WDR74: variants seen among roughly 807,000 people sequenced by gnomAD.
WDR74 encodes WD repeat-containing protein 74.
WDR74 carries 31 observed loss-of-function variants against 45.6 expected under a neutral mutation model. The observed-to-expected ratio is 0.68, with a 90% CI of 0.51 to 0.92. WDR74 has a LOEUF of 0.92. WDR74 is among the 40% of genes least tolerant of loss of function. WDR74 has a pLI of 0.00. For synonymous variants in WDR74, 191 were observed against 192.4 expected, an observed-to-expected ratio of 0.99 and a Z score of 0.06; for missense variants, 455 against 497.2, an observed-to-expected ratio of 0.92 and a Z score of 0.81.
At chr11:62,839,922 A>G (rs1394505579), upstream of WDR74, 2 of 249,462 alleles carry the variant, frequency 8.0e-6, no homozygotes, top group Non-Finnish European at 1.5e-5. Flanking sequence ...AACACTTTAG[A>G]AACGATTCAA....
chr11:62,839,643 G>C, upstream of WDR74: 1 of 1,523,770 alleles, frequency 6.6e-7, no homozygotes, highest in South Asian at 1.2e-5. Context: ...CGAGTCCGAT[G>C]CAGCGCAGTG....
chr11:62,834,390 G>GCGGGCGC, intron 7 of WDR74, 37 bp downstream of exon 7: 1 of 1,584,248 alleles, frequency 6.3e-7, no homozygotes, highest in Non-Finnish European at 8.6e-7. Flanking sequence ...CCCTTCTCAA[G>GCGGGCGC]CCCCACCCTC....
In WDR74 at chr11:62,835,749, A is replaced by C. The variant is rs568574946; in HGVS notation, c.462T>G (p.Ala154=). Residue 154 remains alanine (A), a synonymous_variant, in exon 5 of 11, where the codon GCT becomes GCG. Coordinates refer to ENST00000278856, the MANE Select transcript of WDR74 (RefSeq NM_001369450.1). Reference sequence around the variant, plus strand: ...AGCCCTGCAGGTCCCATATCTTCAAAGCATTCTCTTTCCCACCTGTGGCAA... The same window carrying C: ...AGCCCTGCAGGTCCCATATCTTCAACGCATTCTCTTTCCCACCTGTGGCAA... ...HVVATGGKEN[A]LKIWDLQGSE... The C allele has an allele frequency of 6.2e-7, 1 of 1,613,926 alleles. No individual in the cohort carries two copies. Among genetic ancestry groups the C allele is most frequent in the Non-Finnish European group, 8.5e-7 (1 of 1,179,872 alleles).
At chr11:62,834,815 G>T in intron 6 of WDR74, 1 of 432,476 alleles carries the variant, frequency 2.3e-6, no homozygotes, top group South Asian at 3.3e-5. Context: ...AGAAAAGCAA[G>T]TTGGTCTAGT....
intron 10 of WDR74, 35 bp downstream of exon 10, chr11:62,833,583 C>T (rs376898650): frequency 6.4e-7 from 1 of 1,551,096 alleles, no homozygotes; most frequent in Non-Finnish European, 8.7e-7. Flanking sequence ...ACATCTATGC[C>T]CTTGGCTCCC....
At chr11:62,839,613 T>A, upstream of WDR74, 18 of 1,564,774 alleles carry the variant, frequency 1.2e-5, no homozygotes, top group Non-Finnish European at 1.6e-5. Flanking sequence ...CGGCGCAGCG[T>A]GTGCGTCACC....
At chr11:62,841,746 T>A (rs1004062514), upstream of WDR74, 2 of 152,212 alleles carry the variant, frequency 1.3e-5, no homozygotes, top group African/African-American at 4.8e-5. Flanking sequence ...AGAGGACGTA[T>A]CAGATATTAA....
upstream of WDR74, chr11:62,839,811 C>T: frequency 1.8e-6 from 1 of 563,192 alleles, no homozygotes; most frequent in South Asian, 2.3e-5. Flanking sequence ...ACTGCGTGGC[C>T]GGATCAAGCC....
chr11:62,833,253 G>A, intron 10 of WDR74, 122 bp from the exon 11 acceptor site: 1 of 645,408 alleles, frequency 1.5e-6, no homozygotes, highest in Non-Finnish European at 2.3e-6. Context: ...TTAGCGACCA[G>A]ACTGGGCAAC....
At position 62,833,954 on chromosome 11, in the gene WDR74, G is replaced by A. The variant is rs377339802; in HGVS notation, c.776-17C>T. On this transcript the variant is annotated splice_polypyrimidine_tract_variant and intron_variant, in intron 8 of 10. Transcript: ENST00000278856. Reference sequence around the variant, plus strand: ...GTAGACGCCCTAGAGAAGGGGGGAAGCATCCGTGATAACTGGCTGGCCAAT... The same window carrying A: ...GTAGACGCCCTAGAGAAGGGGGGAAACATCCGTGATAACTGGCTGGCCAAT... 3.4e-5 allele frequency: 54 copies of A among 1,610,572 alleles called. No individual in the cohort carries two copies. The highest frequency in any genetic ancestry group is 3.3e-4 in the Middle Eastern group (2 of 6,066).
chr11:62,835,858 A>G lies in WDR74; in HGVS notation c.370-17T>C, dbSNP rs367979926. The G allele has an allele frequency of 2.6e-5, 41 of 1,604,568 alleles. No individual in the cohort carries two copies. The highest frequency in any genetic ancestry group is 5.6e-5 in the South Asian group (5 of 89,704). ...TTCCAGGAGCTGTAAAGAATAGGAG[A>G]TAAGAGTCCGTTCCAGAGTCCTTAA... On this transcript the variant is annotated splice_polypyrimidine_tract_variant and intron_variant, in intron 4 of 10. Coordinates refer to ENST00000278856, the MANE Select transcript of WDR74 (RefSeq NM_001369450.1).
Position 62,836,019 on chromosome 11 carries a change from A to G in WDR74, c.311T>C (p.Val104Ala), listed in dbSNP as rs2084954548. Residue 104 changes from valine to alanine, a missense_variant, in exon 4 of 11, where the codon GTG (valine) becomes GCG (alanine). By Grantham distance (64) the Val-to-Ala change is moderately conservative. Coordinates refer to ENST00000278856, the MANE Select transcript of WDR74 (RefSeq NM_001369450.1). Reference sequence around the variant, plus strand: ...CCAGACTCTGAGAATCCCAGAATCCACACATGTGATGAGGGTGCTGCAGAG... The same window carrying G: ...CCAGACTCTGAGAATCCCAGAATCCGCACATGTGATGAGGGTGCTGCAGAG... ...AQADGTLITCVDSGILRVWHD... is the reference protein window; with the variant it reads ...AQADGTLITCADSGILRVWHD... The G allele has an allele frequency of 6.3e-7, 1 of 1,593,738 alleles. No individual in the cohort carries two copies. Among genetic ancestry groups the G allele is most frequent in the Non-Finnish European group, 8.5e-7 (1 of 1,169,964 alleles).
At chr11:62,836,578 A>C (rs2084963312) in intron 3 of WDR74, 2 of 161,256 alleles carry the variant, frequency 1.2e-5, no homozygotes, top group African/African-American at 4.8e-5. Flanking sequence ...ATCCCTCCCG[A>C]GAAGTCCAAG....
At chr11:62,833,752 T>A (rs1485725479) in intron 9 of WDR74, 40 bp downstream of exon 9, 5 of 1,608,252 alleles carry the variant, frequency 3.1e-6, no homozygotes, top group Non-Finnish European at 4.2e-6. Flanking sequence ...AGGCGGGGCC[T>A]CCACAAGACC....
chr11:62,835,212 C>T (rs2084940437), intron 6 of WDR74: 2 of 559,046 alleles, frequency 3.6e-6, no homozygotes, highest in Admixed American at 3.1e-5. Context: ...CCTTTCCTCT[C>T]TTCCAGGTGG....
upstream of WDR74, chr11:62,839,780 G>T: frequency 3.1e-6 from 2 of 649,962 alleles, no homozygotes; most frequent in Non-Finnish European, 5.2e-6. Flanking sequence ...TGCACTTGGG[G>T]GTGAAAAGCA....
intron 2 of WDR74, 22 bp from the exon 3 acceptor site, chr11:62,839,257 T>A: frequency 1.2e-6 from 2 of 1,613,084 alleles, no homozygotes; most frequent in Admixed American, 3.3e-5. Flanking sequence ...AAGGGCAAGA[T>A]GGCGAGGAGA....
chr11:62,834,647 T>G, intron 6 of WDR74, 120 bp from the exon 7 acceptor site: 1 of 854,446 alleles, frequency 1.2e-6, no homozygotes, highest in Non-Finnish European at 1.8e-6. Flanking sequence ...TCCCAGAAAC[T>G]TTCTCATCTT....
At chr11:62,841,727 T>A (rs957530317), upstream of WDR74, 1 of 152,190 alleles carries the variant, frequency 6.6e-6, no homozygotes, top group Admixed American at 6.5e-5. Context: ...TAATATATTG[T>A]CCTCGGATAG....
Sources: allele counts gnomAD v4.1 joint callset, GRCh38; gene constraint gnomAD v4.1.1; transcripts MANE v1.5; gene names NCBI Gene and HGNC (gene_info 2026-07-23, HGNC 2026-07-21).